The following CCR8 variants were observed in gnomAD, a reference collection of about 807,000 sequenced individuals.
CCR8 encodes C-C motif chemokine receptor 8.
For missense variants in CCR8, 358 were observed against 417.5 expected (o/e 0.86, Z 1.24); for synonymous variants, 156 against 165.7 (o/e 0.94, Z 0.45).
chr3:39,331,862 C>G (rs1204806385), intron 1 of CCR8, among the ~76,000 whole-genome samples: 1 of 147,288 alleles, frequency 6.8e-6, no homozygotes, highest in Non-Finnish European at 1.5e-5. Context: ...CTCTGTCGCC[C>G]AGGATGGAGT....
rs1033314595 is a variant in CCR8, at chr3:39,333,517, T to C, written c.*118T>C. The C allele has an allele frequency of 1.3e-5, 9 of 704,916 alleles. No individual in the cohort carries two copies. Among genetic ancestry groups the C allele is most frequent in the Admixed American group, 5.8e-5 (2 of 34,300 alleles). 43.7% of individuals were successfully genotyped at this position (704,916 alleles called of 1,614,324 possible). On this transcript the variant is annotated 3_prime_UTR_variant, in exon 2 of 2. Transcript: ENST00000326306. Reference sequence around the variant, plus strand: ...AGTTCAGCATGAAGGATGCCATATATGTTGTTGCCAACACTTGGAACACAA... The same window carrying C: ...AGTTCAGCATGAAGGATGCCATATACGTTGTTGCCAACACTTGGAACACAA...
rs753918361 is a variant in CCR8, at chr3:39,332,371, G to GACT, written c.49_51dup (p.Tyr17dup). 2.5e-4 allele frequency: 406 copies of GACT among 1,614,026 alleles called. 1 individual carries two copies. The highest frequency in any genetic ancestry group is 3.5e-4 in the Admixed American group (21 of 60,020). Reference sequence around the variant, plus strand: ...TGACCTCAGTGTGACAACAGTGACCGACTACTACTACCCTGATATCTTCTC... The same window carrying GACT: ...TGACCTCAGTGTGACAACAGTGACCGACTACTACTACTACCCTGATATCTTCTC... On this transcript the variant is annotated inframe_insertion, in exon 2 of 2. Coordinates refer to ENST00000326306, the MANE Select transcript of CCR8 (RefSeq NM_005201.4).
chr3:39,332,499 C>T lies in CCR8; in HGVS notation c.168C>T (p.Val56=). 6.2e-7 allele frequency: 1 copy of T among 1,614,138 alleles called. No individual in the cohort carries two copies. Among genetic ancestry groups the T allele is most frequent in the Non-Finnish European group, 8.5e-7 (1 of 1,180,020 alleles). Residue 56 remains valine (V), a synonymous_variant, in exon 2 of 2, where the codon GTC becomes GTT. Coordinates refer to ENST00000326306, the MANE Select transcript of CCR8 (RefSeq NM_005201.4). The stretch of plus-strand genomic sequence containing the variant: ...TCAGTCTTCTGGGAAACAGCCTGGT[C>T]ATCCTGGTCCTTGTGGTCTGCAAGA... ...FVFSLLGNSL[V]ILVLVVCKKL...
intron 1 of CCR8, among the ~76,000 whole-genome samples, chr3:39,330,888 T>G (rs1264371597): frequency 6.6e-6 from 1 of 152,164 alleles, no homozygotes; most frequent in Admixed American, 6.5e-5. Context: ...GGAAATTGTT[T>G]GGAATGATAC....
At position 39,332,631 on chromosome 3, in the gene CCR8, G is replaced by T; in HGVS notation, c.300G>T (p.Val100=). Residue 100 remains valine (V), a synonymous_variant, in exon 2 of 2, where the codon GTG becomes GTT. Transcript: ENST00000326306. Reference sequence around the variant, plus strand: ...CCTACTATCTGCTGGACCAGTGGGTGTTTGGGACTGTAATGTGCAAAGTGG... The same window carrying T: ...CCTACTATCTGCTGGACCAGTGGGTTTTTGGGACTGTAATGTGCAAAGTGG... ...FQTYYLLDQW[V]FGTVMCKVVS... The T allele has an allele frequency of 6.2e-7, 1 of 1,614,134 alleles. No individual in the cohort carries two copies. Among genetic ancestry groups the T allele is most frequent in the Non-Finnish European group, 8.5e-7 (1 of 1,180,016 alleles).
rs1455326873 is a variant in CCR8, at chr3:39,333,231, T to C, written c.900T>C (p.Tyr300=). Residue 300 remains tyrosine (Y), a synonymous_variant, in exon 2 of 2, where the codon TAT becomes TAC. Coordinates refer to ENST00000326306, the MANE Select transcript of CCR8 (RefSeq NM_005201.4). ...FTHCCVNPVI[Y]AFVGEKFKKH... ...ACTGCTGTGTGAACCCTGTTATCTA[T>C]GCTTTTGTTGGGGAGAAGTTCAAGA... The C allele has an allele frequency of 1.9e-6, 3 of 1,614,122 alleles. No individual in the cohort carries two copies. The highest frequency in any genetic ancestry group is 1.7e-5 in the Admixed American group (1 of 59,990).
chr3:39,330,160 A>T (rs2041245720), intron 1 of CCR8, among the ~76,000 whole-genome samples: 1 of 152,190 alleles, frequency 6.6e-6, no homozygotes, highest in African/African-American at 2.4e-5. Context: ...TGCTGGGTAC[A>T]GGGCTTCTAT....
intron 1 of CCR8, among the ~76,000 whole-genome samples, chr3:39,330,741 TA>T (rs2041249068): frequency 6.6e-6 from 1 of 152,146 alleles, no homozygotes; most frequent in Non-Finnish European, 1.5e-5. Flanking sequence ...GATATATCTC[TA>T]AAACAATAAG....
Position 39,333,134 on chromosome 3 carries a change from T to C in CCR8, c.803T>C (p.Ile268Thr). 6 of 1,614,128 alleles carry C rather than the reference T, an allele frequency of 3.7e-6. No homozygotes were observed. Among genetic ancestry groups the C allele is most frequent in the South Asian group, 1.1e-5 (1 of 91,088 alleles). ...LFLTSLHSMH[I>T]LDGCSISQQL... The stretch of plus-strand genomic sequence containing the variant: ...CTCACTTCCTTGCACAGTATGCACA[T>C]CTTGGATGGATGTAGCATAAGCCAA... Residue 268 changes from isoleucine (I) to threonine (T), a missense_variant, in exon 2 of 2, where the codon ATC becomes ACC. Physicochemically the swap from Ile to Thr is moderately conservative, Grantham distance 89 (BLOSUM62 -1). Transcript: ENST00000326306.
rs776921021 is a variant in CCR8, at chr3:39,332,305, T to A, written c.-14-13T>A. The stretch of plus-strand genomic sequence containing the variant: ...TTAAGGAGTGAATGTCTTTTATGTG[T>A]CTCTGTGACCAGGTCCCGCTGCCTT... On this transcript the variant is annotated splice_polypyrimidine_tract_variant and intron_variant, in intron 1 of 1. Coordinates refer to ENST00000326306, the MANE Select transcript of CCR8 (RefSeq NM_005201.4). The A allele has an allele frequency of 2.1e-6, 3 of 1,447,674 alleles. No individual in the cohort carries two copies. The highest frequency in any genetic ancestry group is 2.3e-5 in the East Asian group (1 of 43,954). 89.7% of individuals were successfully genotyped at this position (1,447,674 alleles called of 1,614,324 possible).
chr3:39,333,176 C>T lies in CCR8; in HGVS notation c.845C>T (p.Thr282Ile). 1 of 1,614,082 alleles carries T rather than the reference C, an allele frequency of 6.2e-7. No individual in the cohort carries two copies. The highest frequency in any genetic ancestry group is 8.5e-7 in the Non-Finnish European group (1 of 1,180,002). Residue 282 changes from threonine to isoleucine, a missense_variant, in exon 2 of 2, where the codon ACC becomes ATC. Coordinates refer to ENST00000326306, the MANE Select transcript of CCR8 (RefSeq NM_005201.4). ...CSISQQLTYA[T>I]HVTEIISFTH... Reference sequence around the variant, plus strand: ...ATAAGCCAACAGCTGACTTATGCCACCCATGTCACAGAAATCATTTCCTTT... The same window carrying T: ...ATAAGCCAACAGCTGACTTATGCCATCCATGTCACAGAAATCATTTCCTTT...
At position 39,333,027 on chromosome 3, in the gene CCR8, C is replaced by T. The variant is rs777319465; in HGVS notation, c.696C>T (p.Asn232=). 1.9e-6 allele frequency: 3 copies of T among 1,614,080 alleles called. No homozygotes were observed. In the East Asian group the frequency reaches 6.7e-5, roughly 36 times the overall value. Residue 232 remains asparagine, a synonymous_variant, in exon 2 of 2, where the codon AAC becomes AAT. Transcript: ENST00000326306. ...AGCTGAAGAGGTGTCAAAACCACAA[C>T]AAGACCAAGGCCATCAGGTTGGTGC... ...LHQLKRCQNH[N]KTKAIRLVLI... is the part of the protein sequence containing the mutation.
Position 39,332,750 on chromosome 3 carries a change from A to G in CCR8, c.419A>G (p.Tyr140Cys). 6.2e-7 allele frequency: 1 copy of G among 1,614,170 alleles called. No homozygotes were observed. The highest frequency in any genetic ancestry group is 8.5e-7 in the Non-Finnish European group (1 of 1,180,014). ...TACCTGGCTGTTGTCCATGCCGTGT[A>G]TGCCCTAAAGGTGAGGACGATCAGG... ...DRYLAVVHAVYALKVRTIRMG... is the reference protein window; with the variant it reads ...DRYLAVVHAVCALKVRTIRMG... The change falls in exon 2 of 2, where the codon TAT (tyrosine) becomes TGT (cysteine). Residue 140 changes from tyrosine to cysteine, a missense_variant. By Grantham distance (194) the Tyr-to-Cys change is radical (BLOSUM62 -2). Transcript: ENST00000326306.
chr3:39,333,348 A>G lies in CCR8; in HGVS notation c.1017A>G (p.Ser339=). The G allele has an allele frequency of 6.2e-7, 1 of 1,614,054 alleles. No individual in the cohort carries two copies. The highest frequency in any genetic ancestry group is 8.5e-7 in the Non-Finnish European group (1 of 1,179,982). The change falls in exon 2 of 2, where the codon TCA becomes TCG. Residue 339 remains serine (S), a synonymous_variant. Coordinates refer to ENST00000326306, the MANE Select transcript of CCR8 (RefSeq NM_005201.4). ...CTAGGGAGAGCTGTGAAAAGTCATC[A>G]TCCTGCCAGCAGCACTCCTCCCGTT... The part of the protein sequence containing the change: ...QMPRESCEKS[S]SCQQHSSRSS...
chr3:39,333,096 C>T lies in CCR8; in HGVS notation c.765C>T (p.Asn255=), dbSNP rs756643134. The T allele has an allele frequency of 2.8e-5, 45 of 1,613,974 alleles. No individual in the cohort carries two copies. Among genetic ancestry groups the T allele is most frequent in the South Asian group, 2.1e-4 (19 of 91,088 alleles). ...CTTTACTTTTCTGGGTCCCATTCAA[C>T]GTGGTTCTTTTCCTCACTTCCTTGC... ...IASLLFWVPF[N]VVLFLTSLHS... Residue 255 remains asparagine, a synonymous_variant, in exon 2 of 2, where the codon AAC becomes AAT. Transcript: ENST00000326306.
Position 39,333,091 on chromosome 3 carries a change from T to C in CCR8, c.760T>C (p.Phe254Leu). 1 of 1,614,120 alleles carries C rather than the reference T, an allele frequency of 6.2e-7. No homozygotes were observed. Among genetic ancestry groups the C allele is most frequent in the South Asian group, 1.1e-5 (1 of 91,080 alleles). Residue 254 changes from phenylalanine (F) to leucine (L), a missense_variant, in exon 2 of 2, where the codon TTC becomes CTC. By Grantham distance (22) the Phe-to-Leu change is conservative. Transcript: ENST00000326306. ...TGCATCTTTACTTTTCTGGGTCCCA[T>C]TCAACGTGGTTCTTTTCCTCACTTC... is the stretch of plus-strand genomic sequence containing the variant. Reference protein sequence around the residue: ...VIASLLFWVPFNVVLFLTSLH... With the variant: ...VIASLLFWVPLNVVLFLTSLH...
rs1407804840 is a variant in CCR8, at chr3:39,332,738, T to A, written c.407T>A (p.Val136Asp). 8 of 1,614,056 alleles carry A rather than the reference T, an allele frequency of 5.0e-6. No homozygotes were observed. The highest frequency in any genetic ancestry group is 6.8e-6 in the Non-Finnish European group (8 of 1,180,020). The change falls in exon 2 of 2, where the codon GTC (valine) becomes GAC (aspartate). Residue 136 changes from valine (V) to aspartate (D), a missense_variant. Coordinates refer to ENST00000326306, the MANE Select transcript of CCR8 (RefSeq NM_005201.4). ...AGTGTGGACAGGTACCTGGCTGTTG[T>A]CCATGCCGTGTATGCCCTAAAGGTG... ...LMSVDRYLAV[V>D]HAVYALKVRT... is the part of the protein sequence containing the mutation.
intron 1 of CCR8, among the ~76,000 whole-genome samples, chr3:39,331,038 AAAG>A (rs2041251302): frequency 6.6e-6 from 1 of 152,046 alleles, no homozygotes; most frequent in Admixed American, 6.6e-5. Context: ...GGGAGGGAGA[AAAG>A]AAGGGAGAAA....
At position 39,333,007 on chromosome 3, in the gene CCR8, A is replaced by G; in HGVS notation, c.676A>G (p.Lys226Glu). Residue 226 changes from lysine (K) to glutamate (E), a missense_variant, in exon 2 of 2, where the codon AAG becomes GAG. By Grantham distance (56) the Lys-to-Glu change is moderately conservative. Coordinates refer to ENST00000326306, the MANE Select transcript of CCR8 (RefSeq NM_005201.4). ...FCYIKILHQL[K>E]RCQNHNKTKA... ...CTACATTAAAATCCTGCACCAGCTG[A>G]AGAGGTGTCAAAACCACAACAAGAC... 6.2e-7 allele frequency: 1 copy of G among 1,614,184 alleles called. No homozygotes were observed. Among genetic ancestry groups the G allele is most frequent in the East Asian group, 2.2e-5 (1 of 44,866 alleles).
Sources: allele counts gnomAD v4.1 joint callset (sites outside exome capture counted in the v4.1 genomes callset), GRCh38; gene constraint gnomAD v4.1.1; transcripts MANE v1.5; gene names NCBI Gene and HGNC (gene_info 2026-07-23, HGNC 2026-07-21).